C5AR1: variants seen among roughly 807,000 people sequenced by gnomAD.
The protein encoded by C5AR1 is complement C5a receptor 1.
In C5AR1, 4 loss-of-function variants were observed where a neutral mutation model predicts 2.4. The observed-to-expected ratio is 1.65, with a 90% CI of 0.81 to 3.77. The LOEUF (loss-of-function observed/expected upper bound fraction) is 3.77, where lower values mean the gene tolerates loss of function less well. Ranked by LOEUF, C5AR1 falls within the 30% of genes most tolerant of loss-of-function variation. The probability of loss-of-function intolerance (pLI) is 0.01; values close to 1 mark genes in which losing one functional copy is unlikely to be tolerated. For synonymous variants in C5AR1, 209 were observed against 210.4 expected (o/e 0.99, Z 0.06); for missense variants, 418 against 462.5 (o/e 0.90, Z 0.88).
At chr19:47,307,642 C>G (rs930813398), upstream of C5AR1, 2 of 152,212 alleles carry the variant, frequency 1.3e-5, no homozygotes, top group African/African-American at 2.4e-5. Flanking sequence ...CCACTGCGCC[C>G]GGTCCTGGTG....
intron 1 of C5AR1, among the ~76,000 whole-genome samples, chr19:47,316,012 ATT>A (rs35126686): frequency 7.5e-4 from 112 of 148,494 alleles, no homozygotes; most frequent in African/African-American, 1.7e-3. Context: ...TTATCTAGCT[ATT>A]TTTTTTTTTT....
intron 1 of C5AR1, among the ~76,000 whole-genome samples, chr19:47,310,712 G>C (rs147020352): frequency 1.3e-5 from 2 of 152,148 alleles, no homozygotes; most frequent in African/African-American, 4.8e-5. Context: ...GTCAGGGCTG[G>C]TCTCAAATTC....
At chr19:47,310,927 G>T (rs997123525) in intron 1 of C5AR1, among the ~76,000 whole-genome samples, 3 of 152,210 alleles carry the variant, frequency 2.0e-5, no homozygotes, top group Non-Finnish European at 2.9e-5. Context: ...CAGAAGGAAT[G>T]CACCCCAGGC....
At chr19:47,319,730 C>T (rs757665327) in intron 1 of C5AR1, 51 bp from the exon 2 acceptor site, 14 of 1,233,472 alleles carry the variant, frequency 1.1e-5, no homozygotes, top group East Asian at 4.7e-5. Flanking sequence ...GCCCCCTACC[C>T]GGGCACATGT....
chr19:47,319,691 G>C (rs1194819028), intron 1 of C5AR1, 90 bp from the exon 2 acceptor site: 26 of 803,104 alleles, frequency 3.2e-5, no homozygotes, highest in Non-Finnish European at 5.1e-5. Context: ...AAGCCACACA[G>C]GGGAAAAGCC....
chr19:47,318,818 T>C (rs1309669328), intron 1 of C5AR1, among the ~76,000 whole-genome samples: 1 of 151,928 alleles, frequency 6.6e-6, no homozygotes, highest in Non-Finnish European at 1.5e-5. Context: ...CCTTTCTTTC[T>C]TGGGTGCATG....
chr19:47,308,059 A>G (rs1280129250), upstream of C5AR1, among the ~76,000 whole-genome samples: 1 of 151,222 alleles, frequency 6.6e-6, no homozygotes, highest in South Asian at 2.1e-4. Flanking sequence ...CTAAAAATAC[A>G]AAAATTAGCC....
intron 1 of C5AR1, among the ~76,000 whole-genome samples, chr19:47,314,059 T>C (rs1159936567): frequency 6.6e-6 from 1 of 152,178 alleles, no homozygotes; most frequent in African/African-American, 2.4e-5. Context: ...CACCCTTGTC[T>C]AAGCCACCGT....
chr19:47,320,988 C>A lies in C5AR1; in HGVS notation c.*158C>A. 1 of 634,592 alleles carries A rather than the reference C, an allele frequency of 1.6e-6. No individual in the cohort carries two copies. Among genetic ancestry groups the A allele is most frequent in the Non-Finnish European group, 2.7e-6 (1 of 375,904 alleles). 39.3% of individuals were successfully genotyped at this position (634,592 alleles called of 1,614,324 possible). A position where few individuals can be genotyped will look rare whatever the true frequency, so the allele number is the denominator to read the frequency against. On this transcript the variant is annotated 3_prime_UTR_variant, in exon 2 of 2. Coordinates refer to ENST00000355085, the MANE Select transcript of C5AR1 (RefSeq NM_001736.4). This position sits in a 1 kb window ranked among gnomAD's most constrained non-coding sequence, Gnocchi z 4.9. ...CCCAGACTTGTCCCTCCTTTTCCAG[C>A]GGGACTCTTCTCATCCTTCCTCATT... is the stretch of plus-strand genomic sequence containing the variant.
At position 47,321,068 on chromosome 19, in the gene C5AR1, CA is replaced by C; in HGVS notation, c.*239del. The C allele has an allele frequency of 3.3e-5, 6 of 180,202 alleles. No individual in the cohort carries two copies. Among genetic ancestry groups the C allele is most frequent in the South Asian group, 1.7e-4 (3 of 17,568 alleles). The allele number at this position is 180,202 out of a possible 1,614,324, so 11.2% of individuals were successfully genotyped here. A position where few individuals can be genotyped will look rare whatever the true frequency, so the allele number is the denominator to read the frequency against. ...ACCCTCCCACCCCCCACCCCCCCCA[CA>C]CACACCATCTTTCCATCCCAGGCTT... On this transcript the variant is annotated 3_prime_UTR_variant, in exon 2 of 2. Coordinates refer to ENST00000355085, the MANE Select transcript of C5AR1 (RefSeq NM_001736.4).
rs1407157024 is a variant in C5AR1, at chr19:47,321,721, G to GT, written c.*892dup. The GT allele has an allele frequency of 6.6e-6, 1 of 152,136 alleles. No individual in the cohort carries two copies. Among genetic ancestry groups the GT allele is most frequent in the South Asian group, 2.1e-4 (1 of 4,830 alleles). The allele number at this position is 152,136 out of a possible 1,614,324, so 9.4% of individuals were successfully genotyped here. ...AGATCATTGCAAACTCAACACAATT[G>GT]TAAGTAATGATACAGAGGGATCTTG... On this transcript the variant is annotated 3_prime_UTR_variant, in exon 2 of 2. Coordinates refer to ENST00000355085, the MANE Select transcript of C5AR1 (RefSeq NM_001736.4).
chr19:47,309,718 C>T (rs2059264091), upstream of C5AR1, among the ~76,000 whole-genome samples: 1 of 152,088 alleles, frequency 6.6e-6, no homozygotes, highest in Non-Finnish European at 1.5e-5. Context: ...TGGTTAGAGT[C>T]CCCTGGGTGT....
intron 1 of C5AR1, among the ~76,000 whole-genome samples, chr19:47,312,422 A>G (rs992488992): frequency 6.6e-6 from 1 of 152,142 alleles, no homozygotes; most frequent in South Asian, 2.1e-4. Context: ...ATAATACTAG[A>G]ATCTACATCA....
At chr19:47,314,846 A>T (rs750386957) in intron 1 of C5AR1, among the ~76,000 whole-genome samples, 6 of 152,064 alleles carry the variant, frequency 3.9e-5, no homozygotes, top group Non-Finnish European at 8.8e-5. Flanking sequence ...GGTGCCTGCC[A>T]TCACACCCAG....
intron 1 of C5AR1, among the ~76,000 whole-genome samples, chr19:47,311,765 C>G (rs1394675968): frequency 1.3e-5 from 2 of 151,994 alleles, no homozygotes; most frequent in African/African-American, 2.4e-5. Flanking sequence ...GGAGTTTCAC[C>G]ATGTTGGCCA....
At position 47,320,288 on chromosome 19, in the gene C5AR1, T is replaced by C. The variant is rs201345691; in HGVS notation, c.511T>C (p.Ser171Pro). ...TTTAGCCCTGCTGCTGACCATACCCTCCTTCCTGTACCGGGTGGTCCGGGA... is the reference window on the plus strand; with the variant it reads ...TTTAGCCCTGCTGCTGACCATACCCCCCTTCCTGTACCGGGTGGTCCGGGA... Reference protein sequence around the residue: ...WGLALLLTIPSFLYRVVREEY... With the variant: ...WGLALLLTIPPFLYRVVREEY... The change falls in exon 2 of 2, where the codon TCC becomes CCC. Residue 171 changes from serine to proline, a missense_variant. Physicochemically the swap from Ser to Pro is moderately conservative, Grantham distance 74. Coordinates refer to ENST00000355085, the MANE Select transcript of C5AR1 (RefSeq NM_001736.4). The surrounding 1 kb of genome is among the most constrained non-coding windows in gnomAD (Gnocchi z 4.9). 1.9e-6 allele frequency: 3 copies of C among 1,612,848 alleles called. No homozygotes were observed. Among genetic ancestry groups the C allele is most frequent in the East Asian group, 2.2e-5 (1 of 44,866 alleles).
chr19:47,318,744 T>C (rs937711002), intron 1 of C5AR1, among the ~76,000 whole-genome samples: 2 of 152,162 alleles, frequency 1.3e-5, no homozygotes, highest in African/African-American at 2.4e-5. Context: ...CTGCAGTGTC[T>C]GGTGCCTCTG....
rs34790165 is a variant in C5AR1, at chr19:47,318,881, AT to A, written c.4-877del. Among the ~76,000 whole-genome samples the A allele has an allele frequency of 7.3e-3, 727 of 99,366 alleles. 8 individuals are homozygous for A. Among genetic ancestry groups the A allele is most frequent in the African/African-American group, 0.027 (681 of 25,202 alleles). 65.2% of individuals were successfully genotyped at this position (99,366 alleles called of 152,430 possible). On this transcript the variant is annotated intron_variant, in intron 1 of 1. Transcript: ENST00000355085. ...GAAGTGATCAGGACCTTTTTGTTCT[AT>A]TTTTTTTTTTTTTTTTTTTTTTAGA...
intron 1 of C5AR1, among the ~76,000 whole-genome samples, chr19:47,310,154 G>A (rs1294133214): frequency 2.6e-5 from 4 of 152,142 alleles, no homozygotes; most frequent in Admixed American, 2.6e-4. Flanking sequence ...TGGGGCTGGG[G>A]CCCGAGAAGA....
Sources: gnomAD v4.1 joint callset for allele counts (sites outside exome capture counted in the v4.1 genomes callset) on GRCh38, gnomAD v4.1.1 for gene constraint, Gnocchi (gnomAD v3.1) non-coding constraint, MANE v1.5 for transcripts, NCBI Gene and HGNC (gene_info 2026-07-23, HGNC 2026-07-21) for gene names.